Variants in KLHDC1 observed in about 807,000 individuals in gnomAD.
The protein encoded by KLHDC1 is kelch domain-containing protein 1.
KLHDC1 carries 53 observed loss-of-function variants against 68.3 expected under a neutral mutation model. The ratio of observed to expected loss-of-function variants is 0.78; its 90% CI spans 0.62 to 0.98. KLHDC1 has a LOEUF of 0.98. Among genes scored for constraint, KLHDC1 ranks in the 50% least tolerant of loss-of-function variants. The pLI is 0.00. For synonymous variants in KLHDC1, 148 were observed against 159.0 expected, an observed-to-expected ratio of 0.93 and a Z score of 0.52; for missense variants, 470 against 492.3, an observed-to-expected ratio of 0.95 and a Z score of 0.43.
At chr14:49,703,170 A>G (rs1887954619) in intron 1 of KLHDC1, among the ~76,000 whole-genome samples, 1 of 152,080 alleles carries the variant, frequency 6.6e-6, no homozygotes, top group African/African-American at 2.4e-5. Flanking sequence ...TTTATTGTTT[A>G]TTATGCAGGA....
Position 49,722,827 on chromosome 14 carries a change from C to T in KLHDC1, c.405-1047C>T, listed in dbSNP as rs376934045. 6.8e-4 allele frequency among the ~76,000 whole-genome samples: 103 copies of T among 152,306 alleles called. 3 individuals are homozygous for T. In the East Asian group the frequency reaches 9.4e-3, roughly 14 times the overall value. ...TATCAGCGGGTGCAGTGGCTCACGC[C>T]TGTAATCCCAGCACTTTGGGAGGCC... On this transcript the variant is annotated intron_variant, in intron 4 of 12. Coordinates refer to ENST00000359332, the MANE Select transcript of KLHDC1 (RefSeq NM_172193.3).
chr14:49,740,180 A>T lies in KLHDC1; in HGVS notation c.979A>T (p.Thr327Ser). 6.4e-7 allele frequency: 1 copy of T among 1,565,844 alleles called. No individual in the cohort carries two copies. ...GSKDDLLALD[T>S]GHCNDLLIFQ... ...CAAAGATGACTTACTTGCCTTGGAT[A>T]CAGTAAGAAAATCTTATATCTAAAT... Residue 327 changes from threonine (T) to serine (S), a missense_variant and splice_region_variant, in exon 11 of 13, where the codon ACA becomes TCA. By Grantham distance (58) the Thr-to-Ser change is moderately conservative. Transcript: ENST00000359332.
At chr14:49,725,844 T>C in intron 6 of KLHDC1, 75 bp downstream of exon 6, 2 of 735,606 alleles carry the variant, frequency 2.7e-6, no homozygotes, top group Non-Finnish European at 4.4e-6. Context: ...TTGGGTTTTT[T>C]TTTGTTTTGT....
intron 4 of KLHDC1, among the ~76,000 whole-genome samples, chr14:49,711,116 C>T (rs1327119921): frequency 6.6e-6 from 1 of 152,220 alleles, no homozygotes; most frequent in Non-Finnish European, 1.5e-5. Context: ...CCTCAGCCTC[C>T]TGAGTAGCTG....
chr14:49,725,683 T>C lies in KLHDC1; in HGVS notation c.484-3T>C, dbSNP rs746313626. On this transcript the variant is annotated splice_polypyrimidine_tract_variant and splice_region_variant and intron_variant, in intron 5 of 12. Coordinates refer to ENST00000359332, the MANE Select transcript of KLHDC1 (RefSeq NM_172193.3). ...TGAGATATTTAAAACATTTCTCTTT[T>C]AGGAAGAGCAGATATTCTGGGGATG... The C allele has an allele frequency of 1.5e-6, 2 of 1,297,254 alleles. No homozygotes were observed. The highest frequency in any genetic ancestry group is 2.7e-5 in the South Asian group (2 of 74,846). The allele number at this position is 1,297,254 out of a possible 1,614,324, so 80.4% of individuals were successfully genotyped here. A position where few individuals can be genotyped will look rare whatever the true frequency, so the allele number is the denominator to read the frequency against.
intron 1 of KLHDC1, among the ~76,000 whole-genome samples, chr14:49,705,005 A>AAGTACAGGACTAT (rs1249517411): frequency 1.3e-5 from 2 of 152,168 alleles, no homozygotes; most frequent in Non-Finnish European, 2.9e-5. Context: ...TTCAAAGGGA[A>AAGTACAGGACTAT]AGTACAGGAC....
chr14:49,725,259 A>G (rs1053067723), intron 5 of KLHDC1, among the ~76,000 whole-genome samples: 4 of 152,222 alleles, frequency 2.6e-5, no homozygotes, highest in African/African-American at 9.6e-5. Flanking sequence ...TTGCTTGGTG[A>G]AGTAGAAGTG....
At chr14:49,718,769 C>CTTTTTTTTTTT (rs71115397) in intron 4 of KLHDC1, among the ~76,000 whole-genome samples, 3 of 76,818 alleles carry the variant, frequency 3.9e-5, no homozygotes, top group African/African-American at 1.1e-4. Flanking sequence ...TTCTTTCTTT[C>CTTTTTTTTTTT]TTTTTTTTTT....
Position 49,751,741 on chromosome 14 carries a change from AAAAT to A in KLHDC1, c.1196_1199del (p.Lys399IlefsTer16), listed in dbSNP as rs1476913684. The A allele has an allele frequency of 6.3e-7, 1 of 1,586,564 alleles. No homozygotes were observed. Among genetic ancestry groups the A allele is most frequent in the African/African-American group, 1.4e-5 (1 of 73,750 alleles). On this transcript the variant is annotated frameshift_variant, in exon 13 of 13. Coordinates refer to ENST00000359332, the MANE Select transcript of KLHDC1 (RefSeq NM_172193.3). LOFTEE classifies it high-confidence loss of function. ...CAAAGAGTCCAAAAAGAAGAAACAGAAAATAAATATCAGTGGATCAGTAGCAATT... is the reference window on the plus strand; with the variant it reads ...CAAAGAGTCCAAAAAGAAGAAACAGAAAATATCAGTGGATCAGTAGCAATT...
intron 9 of KLHDC1, among the ~76,000 whole-genome samples, chr14:49,733,045 A>G (rs1259972897): frequency 6.6e-6 from 1 of 152,166 alleles, no homozygotes; most frequent in Non-Finnish European, 1.5e-5. Flanking sequence ...AAGCTAGATG[A>G]AACAAAGCCC....
chr14:49,729,577 T>C, intron 8 of KLHDC1, 29 bp downstream of exon 8: 3 of 1,450,506 alleles, frequency 2.1e-6, no homozygotes, highest in Non-Finnish European at 2.9e-6. Flanking sequence ...TACGTTTTAA[T>C]CTATAGGCAT....
At chr14:49,748,484 G>A (rs2139772089) in intron 12 of KLHDC1, among the ~76,000 whole-genome samples, 1 of 152,260 alleles carries the variant, frequency 6.6e-6, no homozygotes, top group Admixed American at 6.5e-5. Context: ...AGGTTTGGGA[G>A]GGGAGATAAG....
In KLHDC1 at chr14:49,732,685, C is replaced by G. The variant is rs1292592565; in HGVS notation, c.711-19C>G. 7.9e-7 allele frequency: 1 copy of G among 1,268,382 alleles called. No homozygotes were observed. Among genetic ancestry groups the G allele is most frequent in the East Asian group, 2.3e-5 (1 of 43,216 alleles). 78.6% of individuals were successfully genotyped at this position (1,268,382 alleles called of 1,614,324 possible). The stretch of plus-strand genomic sequence containing the variant: ...TTGATTAATATAGTACCTAGACTTT[C>G]TTTTTCTCCTTGCCACAGGATTACT... On this transcript the variant is annotated intron_variant, in intron 8 of 12. Coordinates refer to ENST00000359332, the MANE Select transcript of KLHDC1 (RefSeq NM_172193.3).
chr14:49,715,674 G>T (rs1299772552), intron 4 of KLHDC1, among the ~76,000 whole-genome samples: 1 of 146,356 alleles, frequency 6.8e-6, no homozygotes, highest in Non-Finnish European at 1.5e-5. Context: ...GAACCTGGGA[G>T]GCGGAGGTTG....
chr14:49,749,321 TAATA>T (rs1489528795), intron 12 of KLHDC1, among the ~76,000 whole-genome samples: 1 of 152,124 alleles, frequency 6.6e-6, no homozygotes, highest in African/African-American at 2.4e-5. Context: ...TCATTCAGTA[TAATA>T]AATCTATACT....
At chr14:49,731,192 ATTGCTTGTACC>A (rs1888798394) in intron 8 of KLHDC1, among the ~76,000 whole-genome samples, 1 of 152,088 alleles carries the variant, frequency 6.6e-6, no homozygotes, top group Non-Finnish European at 1.5e-5. Context: ...AGACAGGAGA[ATTGCTTGTACC>A]TGGGAGGCGG....
At chr14:49,694,291 A>G (rs1887669752) in intron 1 of KLHDC1, among the ~76,000 whole-genome samples, 1 of 152,118 alleles carries the variant, frequency 6.6e-6, no homozygotes, top group African/African-American at 2.4e-5. Context: ...CTCTTAGTTT[A>G]CAGATTTTTT....
intron 12 of KLHDC1, among the ~76,000 whole-genome samples, chr14:49,750,197 G>A (rs987376894): frequency 1.8e-4 from 27 of 152,276 alleles, no homozygotes; most frequent in African/African-American, 6.5e-4. Flanking sequence ...GGTCCTCAGG[G>A]CCTCCATTTA....
intron 5 of KLHDC1, 39 bp downstream of exon 5, chr14:49,723,991 A>C: frequency 8.5e-7 from 1 of 1,170,516 alleles, no homozygotes. Flanking sequence ...CCTCCAAGTC[A>C]GTATAGCCTT....
Sources: allele counts gnomAD v4.1 joint callset (sites outside exome capture counted in the v4.1 genomes callset), GRCh38; gene constraint gnomAD v4.1.1; transcripts MANE v1.5; gene names NCBI Gene and HGNC (gene_info 2026-07-23, HGNC 2026-07-21).